Variants in DST observed in about 807,000 individuals in gnomAD.
DST encodes bullous pemphigoid antigen.
DST carries 253 observed loss-of-function variants against 875.2 expected under a neutral mutation model. That is an observed-to-expected ratio of 0.29 (90% CI 0.26 to 0.32). DST has a LOEUF of 0.32. DST is among the 10% of genes least tolerant of loss of function. DST has a pLI of 1.00. For missense variants in DST, 8,287 were observed against 9,111.6 expected, an observed-to-expected ratio of 0.91 and a Z score of 3.68; for synonymous variants, 3,124 against 3,197.1, an observed-to-expected ratio of 0.98 and a Z score of 0.77.
At chr6:56,824,245 G>A (rs1432800615) in intron 4 of DST, among the ~76,000 whole-genome samples, 1 of 152,310 alleles carries the variant, frequency 6.6e-6, no homozygotes, top group African/African-American at 2.4e-5. Flanking sequence ...TCCTAACCGC[G>A]AGTGATCCGC....
chr6:56,618,589 C>G, intron 36 of DST: 4 of 1,614,144 alleles, frequency 2.5e-6, no homozygotes, highest in Non-Finnish European at 3.4e-6. Flanking sequence ...GCTGCCCTTG[C>G]TGCATTTGTT....
rs1398477874 is a variant in DST, at chr6:56,610,557, G to A, written c.5153C>T (p.Thr1718Ile). 1 of 1,576,038 alleles carries A rather than the reference G, an allele frequency of 6.3e-7. No homozygotes were observed. Among genetic ancestry groups the A allele is most frequent in the Non-Finnish European group, 8.6e-7 (1 of 1,162,616 alleles). Residue 1718 changes from threonine to isoleucine, a missense_variant, in exon 39 of 104, where the codon ACA becomes ATA. Coordinates refer to ENST00000680361, the MANE Select transcript of DST (RefSeq NM_001374736.1). ...TTCCAATTCATTTCTTTCTTCATCTGTCATTCTAAATAACCAGAAATGATA... is the reference window on the plus strand; with the variant it reads ...TTCCAATTCATTTCTTTCTTCATCTATCATTCTAAATAACCAGAAATGATA... ...LFLAKHGDKM[T>I]DEERNELEKQ...
chr6:56,622,825 T>G (rs2098702849), intron 36 of DST, among the ~76,000 whole-genome samples: 1 of 152,200 alleles, frequency 6.6e-6, no homozygotes, highest in Non-Finnish European at 1.5e-5. Flanking sequence ...ATCTAATATC[T>G]ATTACAGATA....
chr6:56,722,098 T>C (rs1563867313), intron 5 of DST, among the ~76,000 whole-genome samples: 1 of 152,142 alleles, frequency 6.6e-6, no homozygotes, highest in Non-Finnish European at 1.5e-5. Context: ...AAACATATTC[T>C]TAGCTCAGGG....
At position 56,616,183 on chromosome 6, in the gene DST, T is replaced by C. The variant is rs150845451; in HGVS notation, c.4930-1699A>G. The C allele has an allele frequency of 3.2e-4, 523 of 1,614,114 alleles. 3 individuals are homozygous for C. The highest frequency in any genetic ancestry group is 1.3e-3 in the Middle Eastern group (8 of 6,084). On this transcript the variant is annotated intron_variant, in intron 36 of 103. Coordinates refer to ENST00000680361, the MANE Select transcript of DST (RefSeq NM_001374736.1). ...GGCTCAGCAAAGAATCAGCAAGTTCTGTAAGTGTGATGAGGCCTTCCTGAT... is the reference window on the plus strand; with the variant it reads ...GGCTCAGCAAAGAATCAGCAAGTTCCGTAAGTGTGATGAGGCCTTCCTGAT...
intron 5 of DST, among the ~76,000 whole-genome samples, chr6:56,718,477 C>A (rs971354800): frequency 6.6e-6 from 1 of 152,204 alleles, no homozygotes; most frequent in Non-Finnish European, 1.5e-5. Flanking sequence ...AATGATGCAA[C>A]CATTTTGGAA....
Position 56,608,992 on chromosome 6 carries a change from G to A in DST, c.5636C>T (p.Thr1879Ile), listed in dbSNP as rs2098521763. 3 of 1,613,880 alleles carry A rather than the reference G, an allele frequency of 1.9e-6. No homozygotes were observed. Among genetic ancestry groups the A allele is most frequent in the Middle Eastern group, 1.7e-4 (1 of 6,060 alleles). ...AIKVLEILLSTGSLVIPATGE... is the reference protein window; with the variant it reads ...AIKVLEILLSIGSLVIPATGE... ...TGTGGCTGGAATAACCAGAGAGCCT[G>A]TAGAAAGCAGTATCTCAAGAACTTT... The change falls in exon 40 of 104, where the codon ACA (threonine) becomes ATA (isoleucine). Residue 1879 changes from threonine (T) to isoleucine (I), a missense_variant. Thr to Ile is a moderately conservative substitution (Grantham distance 89). Transcript: ENST00000680361.
In DST at chr6:56,604,369, A is replaced by C; in HGVS notation, c.10259T>G (p.Met3420Arg). ...QMSDSSGVSP[M>R]TNSSELKPES... ...TGGCTTTAGTTCTGATGAGTTAGTCATGGGGGAAACTCCAGAAGAGTCACT... is the reference window on the plus strand; with the variant it reads ...TGGCTTTAGTTCTGATGAGTTAGTCCTGGGGGAAACTCCAGAAGAGTCACT... Residue 3420 changes from methionine (M) to arginine (R), a missense_variant, in exon 40 of 104, where the codon ATG becomes AGG. By Grantham distance (91) the Met-to-Arg change is moderately conservative. Around this residue, in one of 10 missense-constraint regions of DST, gnomAD observed 3,138 missense variants for 3,116.6 expected, o/e 1.01. Coordinates refer to ENST00000680361, the MANE Select transcript of DST (RefSeq NM_001374736.1). The C allele has an allele frequency of 1.2e-6, 2 of 1,612,116 alleles. No homozygotes were observed. Among genetic ancestry groups the C allele is most frequent in the Non-Finnish European group, 8.5e-7 (1 of 1,178,974 alleles).
chr6:56,541,380 G>A (rs1337782501), intron 61 of DST: 1 of 152,560 alleles, frequency 6.6e-6, no homozygotes. Flanking sequence ...GGTAAAGTTC[G>A]ATCTGTAAAA....
chr6:56,880,486 G>A lies in DST; in HGVS notation c.417+19935C>T, dbSNP rs974482585. ...GCAGATCGCTTGAGGTCAGGAGTTC[G>A]AGACCAGACTGGCCAACATGGTAAA... On this transcript the variant is annotated intron_variant, in intron 3 of 103. Coordinates refer to ENST00000680361, the MANE Select transcript of DST (RefSeq NM_001374736.1). Among the ~76,000 whole-genome samples the A allele has an allele frequency of 3.3e-5, 5 of 152,038 alleles. No individual in the cohort carries two copies. In the East Asian group the frequency reaches 5.8e-4, roughly 18 times the overall value.
At chr6:56,506,335 C>T in intron 77 of DST, 108 bp downstream of exon 77, 1 of 823,274 alleles carries the variant, frequency 1.2e-6, no homozygotes, top group South Asian at 2.2e-5. Context: ...AATTTGCCCA[C>T]AATTGCATAT....
At chr6:56,770,115 ATAACT>A (rs2099647064) in intron 4 of DST, among the ~76,000 whole-genome samples, 2 of 152,224 alleles carry the variant, frequency 1.3e-5, no homozygotes, top group African/African-American at 2.4e-5. Context: ...TTCTGGTGTT[ATAACT>A]TAATCAGTGT....
intron 4 of DST, among the ~76,000 whole-genome samples, chr6:56,816,816 A>ACT (rs1554164715): frequency 6.9e-6 from 1 of 144,492 alleles, no homozygotes; most frequent in Non-Finnish European, 1.5e-5. Context: ...AAATAGGCTG[A>ACT]TTTTTTTTTT....
chr6:56,677,723 GA>G (rs1206219648), intron 9 of DST, among the ~76,000 whole-genome samples: 1 of 152,152 alleles, frequency 6.6e-6, no homozygotes, highest in African/African-American at 2.4e-5. Flanking sequence ...TCAGAAACTT[GA>G]AGCCTTCATG....
At chr6:56,609,944 T>A (rs1283460923) in intron 39 of DST, among the ~76,000 whole-genome samples, 1 of 152,224 alleles carries the variant, frequency 6.6e-6, no homozygotes, top group Non-Finnish European at 1.5e-5. Flanking sequence ...TTTAAAAGTT[T>A]AAGTACCAGC....
intron 4 of DST, among the ~76,000 whole-genome samples, chr6:56,824,316 T>C (rs188990069): frequency 3.9e-5 from 6 of 152,328 alleles, no homozygotes; most frequent in African/African-American, 9.6e-5. Context: ...CAGTGCTCAA[T>C]GGTACCCAGG....
intron 37 of DST, among the ~76,000 whole-genome samples, chr6:56,613,185 A>C (rs1431122488): frequency 6.6e-6 from 1 of 152,210 alleles, no homozygotes; most frequent in African/African-American, 2.4e-5. Context: ...GGGGAGAAGG[A>C]TATTTTACAT....
chr6:56,901,121 T>C (rs1278494062), intron 2 of DST, among the ~76,000 whole-genome samples: 2 of 152,214 alleles, frequency 1.3e-5, no homozygotes, highest in South Asian at 2.1e-4. Flanking sequence ...CAAACTCAAA[T>C]GGAAGCAACG....
chr6:56,679,075 T>A (rs1329643955), intron 9 of DST, among the ~76,000 whole-genome samples: 1 of 152,156 alleles, frequency 6.6e-6, no homozygotes, highest in Non-Finnish European at 1.5e-5. Flanking sequence ...GTTGTAGGCA[T>A]CCATTCCAGC....
Sources: gnomAD v4.1 joint callset for allele counts (sites outside exome capture counted in the v4.1 genomes callset) on GRCh38, gnomAD v4.1.1 for gene constraint, gnomAD v4.1.1 regional missense constraint, MANE v1.5 for transcripts, NCBI Gene and HGNC (gene_info 2026-07-23, HGNC 2026-07-21) for gene names.